The following ZNF616 variants were observed in gnomAD, a reference collection of about 807,000 sequenced individuals.
The protein encoded by ZNF616 is zinc finger protein 616.
In ZNF616, 5 loss-of-function variants were observed where a neutral mutation model predicts 7.6. That is an observed-to-expected ratio of 0.66 (90% CI 0.34 to 1.38). The LOEUF (loss-of-function observed/expected upper bound fraction) is 1.38, where lower values mean the gene tolerates loss of function less well. Ranked by LOEUF, ZNF616 falls within the 40% of genes most tolerant of loss-of-function variation. The pLI is 0.04. For missense variants in ZNF616, 913 were observed against 948.3 expected, an observed-to-expected ratio of 0.96 and a Z score of 0.49; for synonymous variants, 319 against 317.2, an observed-to-expected ratio of 1.01 and a Z score of -0.06.
intron 1 of ZNF616, among the ~76,000 whole-genome samples, chr19:52,134,667 G>A (rs2088992474): frequency 6.6e-6 from 1 of 152,102 alleles, no homozygotes; most frequent in Non-Finnish European, 1.5e-5. Context: ...TTAGTGTGTA[G>A]GAGAAAACTC....
intron 1 of ZNF616, among the ~76,000 whole-genome samples, chr19:52,131,825 G>T (rs962493674): frequency 3.3e-5 from 5 of 152,182 alleles, no homozygotes; most frequent in African/African-American, 9.7e-5. Flanking sequence ...ATGCTGGTGG[G>T]AGAGGGCACC....
rs371337850 is a variant in ZNF616 at position 52,114,949 on chromosome 19, G to A, written c.2215C>T (p.His739Tyr). The change falls in exon 4 of 4, where the codon CAT (histidine) becomes TAT (tyrosine). Residue 739 changes from histidine (H) to tyrosine (Y), a missense_variant. By Grantham distance (83) the His-to-Tyr change is moderately conservative (BLOSUM62 2). Coordinates refer to ENST00000600228, the MANE Select transcript of ZNF616 (RefSeq NM_178523.5). ...CATTTATAAGGTTTTTTGCCAGAAT[G>A]AATTCTTTGGTGTTTGCTGAGGGAA... ...LFSLSKHQRI[H>Y]SGKKPYKCNE... 6.2e-7 allele frequency: 1 copy of A among 1,614,130 alleles called. No homozygotes were observed. The highest frequency in any genetic ancestry group is 8.5e-7 in the Non-Finnish European group (1 of 1,180,006).
Position 52,116,934 on chromosome 19 carries a change from T to C in ZNF616, c.230A>G (p.His77Arg). The change falls in exon 4 of 4, where the codon CAT (histidine) becomes CGT (arginine). Residue 77 changes from histidine to arginine, a missense_variant. Coordinates refer to ENST00000600228, the MANE Select transcript of ZNF616 (RefSeq NM_178523.5). ...ERFQTVALER[H>R]QSYDIENLYF... ...TAAATTTTCAATATCATAGCTTTGA[T>C]GTCTTTCCAGTGCCACTGTTTGGAA... 6.2e-7 allele frequency: 1 copy of C among 1,613,988 alleles called. No homozygotes were observed. Among genetic ancestry groups the C allele is most frequent in the Non-Finnish European group, 8.5e-7 (1 of 1,179,966 alleles).
At chr19:52,137,072 T>C (rs1445965661) in intron 1 of ZNF616, among the ~76,000 whole-genome samples, 1 of 148,214 alleles carries the variant, frequency 6.7e-6, no homozygotes, top group African/African-American at 2.5e-5. Context: ...TATATATATA[T>C]ATACAGAGTG....
chr19:52,131,811 T>A (rs540240267), intron 1 of ZNF616, among the ~76,000 whole-genome samples: 1 of 152,178 alleles, frequency 6.6e-6, no homozygotes, highest in Non-Finnish European at 1.5e-5. Flanking sequence ...GGAAGTCTCA[T>A]GTGATGCTGG....
At position 52,139,413 on chromosome 19, in the gene ZNF616, G is replaced by T. The variant is rs983554392; in HGVS notation, c.-77+319C>A. ...GCGGAGGACACTAGGTGGCGCGGGG[G>T]ACGGTGTCTCAGGACAGGGAGGGTC... On this transcript the variant is annotated intron_variant, in intron 1 of 3. Coordinates refer to ENST00000600228, the MANE Select transcript of ZNF616 (RefSeq NM_178523.5). The surrounding 1 kb of genome is among the most constrained non-coding windows in gnomAD (Gnocchi z 4.1). Among the ~76,000 whole-genome samples, 1 of 152,140 alleles carries T rather than the reference G, an allele frequency of 6.6e-6. No individual in the cohort carries two copies. The highest frequency in any genetic ancestry group is 1.5e-5 in the Non-Finnish European group (1 of 68,020).
chr19:52,133,095 G>C (rs2088974306), intron 1 of ZNF616, among the ~76,000 whole-genome samples: 2 of 152,212 alleles, frequency 1.3e-5, no homozygotes, highest in Admixed American at 1.3e-4. Flanking sequence ...GAAAAATAAA[G>C]TTATCAGTGG....
intron 2 of ZNF616, among the ~76,000 whole-genome samples, chr19:52,125,224 T>C (rs1259134669): frequency 6.6e-6 from 1 of 152,184 alleles, no homozygotes; most frequent in Non-Finnish European, 1.5e-5. Context: ...CAAAAGTCTA[T>C]AGTCTACAGC....
At position 52,116,960 on chromosome 19, in the gene ZNF616, C is replaced by T. The variant is rs765237253; in HGVS notation, c.204G>A (p.Arg68=). 7.4e-6 allele frequency: 12 copies of T among 1,612,686 alleles called. No individual in the cohort carries two copies. Among genetic ancestry groups the T allele is most frequent in the Admixed American group, 1.7e-5 (1 of 59,750 alleles). ...GTCTTTCCAGTGCCACTGTTTGGAA[C>T]CTTTCTCCTGTATTACTGTTCTCTG... is the stretch of plus-strand genomic sequence containing the variant. ...PPTENSNTGE[R]FQTVALERHQ... Residue 68 remains arginine (R), a synonymous_variant, in exon 4 of 4, where the codon AGG becomes AGA. Transcript: ENST00000600228.
rs374290311 is a variant in ZNF616, at chr19:52,116,605, A to G, written c.559T>C (p.Cys187Arg). ...TTAAAGGCTTTGCCACATTCATTAC[A>G]TACATACGTTTTTTCCCTAATGTGT... is the stretch of plus-strand genomic sequence containing the variant. ...SPHIREKTYVCNECGKAFKAS... is the reference protein window; with the variant it reads ...SPHIREKTYVRNECGKAFKAS... The change falls in exon 4 of 4, where the codon TGT (cysteine) becomes CGT (arginine). Residue 187 changes from cysteine (C) to arginine (R), a missense_variant. By Grantham distance (180) the Cys-to-Arg change is radical. Transcript: ENST00000600228. 9 of 1,614,010 alleles carry G rather than the reference A, an allele frequency of 5.6e-6. No individual in the cohort carries two copies. Among genetic ancestry groups the G allele is most frequent in the African/African-American group, 2.7e-5 (2 of 74,932 alleles).
At chr19:52,135,593 C>T (rs559630366) in intron 1 of ZNF616, among the ~76,000 whole-genome samples, 4 of 152,242 alleles carry the variant, frequency 2.6e-5, no homozygotes, top group Middle Eastern at 3.4e-3. Flanking sequence ...CCCTCAGGAC[C>T]AATGCACCAC....
Position 52,115,426 on chromosome 19 carries a change from T to G in ZNF616, c.1738A>C (p.Asn580His), listed in dbSNP as rs746208690. ...IHSGEKPYKC[N>H]ECGKVYSQYS... ...TGACTGTAGACCTTGCCGCATTCAT[T>G]GCATTTGTAAGGTTTCTCTCCACTA... The change falls in exon 4 of 4, where the codon AAT becomes CAT. Residue 580 changes from asparagine (N) to histidine (H), a missense_variant. By Grantham distance (68) the Asn-to-His change is moderately conservative. Coordinates refer to ENST00000600228, the MANE Select transcript of ZNF616 (RefSeq NM_178523.5). 2 of 1,614,094 alleles carry G rather than the reference T, an allele frequency of 1.2e-6. No homozygotes were observed. Among genetic ancestry groups the G allele is most frequent in the South Asian group, 2.2e-5 (2 of 91,086 alleles).
At position 52,116,202 on chromosome 19, in the gene ZNF616, C is replaced by A; in HGVS notation, c.962G>T (p.Gly321Val). The change falls in exon 4 of 4, where the codon GGA becomes GTA. Residue 321 changes from glycine to valine, a missense_variant. Gly to Val is a moderately radical substitution (Grantham distance 109). Transcript: ENST00000600228. ...HLRLHQTVHT[G>V]ERPFKCNECG... ...CTCATTACATTTGAAGGGTCTCTCT[C>A]CAGTATGAACTGTCTGATGAAGTCT... 6.2e-7 allele frequency: 1 copy of A among 1,613,992 alleles called. No homozygotes were observed. Among genetic ancestry groups the A allele is most frequent in the Non-Finnish European group, 8.5e-7 (1 of 1,179,992 alleles).
At position 52,130,641 on chromosome 19, in the gene ZNF616, T is replaced by C. The variant is rs921790986; in HGVS notation, c.-76-53A>G. On this transcript the variant is annotated intron_variant, in intron 1 of 3. Coordinates refer to ENST00000600228, the MANE Select transcript of ZNF616 (RefSeq NM_178523.5). The stretch of plus-strand genomic sequence containing the variant: ...TGCTTGGAAACAACACATTCCTTTC[T>C]GTGTCACAACCATGCACACAGGGAA... 19 of 1,391,246 alleles carry C rather than the reference T, an allele frequency of 1.4e-5. No individual in the cohort carries two copies. The African/African-American group carries it at 2.7e-4, about 20-fold the overall frequency. The allele number at this position is 1,391,246 out of a possible 1,614,324, so 86.2% of individuals were successfully genotyped here.
rs1296760288 is a variant in ZNF616 at position 52,116,499 on chromosome 19, A to T, written c.665T>A (p.Phe222Tyr). ...TACAGTTAGTAGTGAGGCCCGATGA[A>T]AGGCTTTGCCACACTCATTGCATTT... is the stretch of plus-strand genomic sequence containing the variant. ...PYKCNECGKA[F>Y]HRASLLTVHK... Residue 222 changes from phenylalanine (F) to tyrosine (Y), a missense_variant, in exon 4 of 4, where the codon TTT (phenylalanine) becomes TAT (tyrosine). Phe to Tyr is a conservative substitution (Grantham distance 22). Transcript: ENST00000600228. 2 of 1,614,134 alleles carry T rather than the reference A, an allele frequency of 1.2e-6. No individual in the cohort carries two copies. The highest frequency in any genetic ancestry group is 1.7e-6 in the Non-Finnish European group (2 of 1,180,020).
In ZNF616 at chr19:52,116,050, G is replaced by A. The variant is rs201163492; in HGVS notation, c.1114C>T (p.Arg372Trp). Residue 372 changes from arginine (R) to tryptophan (W), a missense_variant, in exon 4 of 4, where the codon CGG (arginine) becomes TGG (tryptophan). Physicochemically the swap from Arg to Trp is moderately radical, Grantham distance 101. Transcript: ENST00000600228. ...FRHRSNLVCH[R>W]RIHSGEKQYK... is the part of the protein sequence containing the mutation. ...TGTTTCTCTCCACTGTGGATTCTCC[G>A]GTGACATACAAGATTTGATCTATGT... The A allele has an allele frequency of 3.2e-5, 51 of 1,613,986 alleles. No individual in the cohort carries two copies. Among genetic ancestry groups the A allele is most frequent in the Admixed American group, 1.8e-4 (11 of 59,990 alleles).
chr19:52,127,475 T>TA (rs2088920043), intron 2 of ZNF616, among the ~76,000 whole-genome samples: 1 of 152,232 alleles, frequency 6.6e-6, no homozygotes, highest in African/African-American at 2.4e-5. Flanking sequence ...ATTTATAATC[T>TA]AAAACTTTAT....
In ZNF616 at chr19:52,139,368, A is replaced by AGGAGGACACTAGGTGGCGCGC. The variant is rs370435150; in HGVS notation, c.-77+343_-77+363dup. Among the ~76,000 whole-genome samples the AGGAGGACACTAGGTGGCGCGC allele has an allele frequency of 1.3e-5, 2 of 152,084 alleles. No individual in the cohort carries two copies. The highest frequency in any genetic ancestry group is 4.8e-5 in the African/African-American group (2 of 41,392). Reference sequence around the variant, plus strand: ...CTGGGGAGGGGAAGGACCCGGCGTGAGGAGGACACTAGGTGGCGCGCGGAG... The same window carrying AGGAGGACACTAGGTGGCGCGC: ...CTGGGGAGGGGAAGGACCCGGCGTGAGGAGGACACTAGGTGGCGCGCGGAGGACACTAGGTGGCGCGCGGAG... On this transcript the variant is annotated intron_variant, in intron 1 of 3. Coordinates refer to ENST00000600228, the MANE Select transcript of ZNF616 (RefSeq NM_178523.5). This position sits in a 1 kb window ranked among gnomAD's most constrained non-coding sequence, Gnocchi z 4.1.
chr19:52,115,597 A>T lies in ZNF616; in HGVS notation c.1567T>A (p.Cys523Ser). Residue 523 changes from cysteine (C) to serine (S), a missense_variant, in exon 4 of 4, where the codon TGC becomes AGC. Transcript: ENST00000600228. Reference sequence around the variant, plus strand: ...CTGAAGACCTTGCCACATTCTTTGCATTTGTAAGGTTTCTCTCCAGTATGA... The same window carrying T: ...CTGAAGACCTTGCCACATTCTTTGCTTTTGTAAGGTTTCTCTCCAGTATGA... ...RIHTGEKPYK[C>S]KECGKVFSDR... 1 of 1,613,936 alleles carries T rather than the reference A, an allele frequency of 6.2e-7. No homozygotes were observed. The highest frequency in any genetic ancestry group is 8.5e-7 in the Non-Finnish European group (1 of 1,179,980).
Sources: allele counts gnomAD v4.1 joint callset (sites outside exome capture counted in the v4.1 genomes callset), GRCh38; gene constraint gnomAD v4.1.1; non-coding constraint Gnocchi (gnomAD v3.1); transcripts MANE v1.5; gene names NCBI Gene and HGNC (gene_info 2026-07-23, HGNC 2026-07-21).